Variants in LRRC4C observed in about 807,000 individuals in gnomAD.
LRRC4C encodes leucine rich repeat containing 4C, also known as leucine-rich repeat-containing protein 4C.
In LRRC4C, 5 loss-of-function variants were observed where a neutral mutation model predicts 33.6. That is an observed-to-expected ratio of 0.15 (90% CI 0.08 to 0.31). LRRC4C has a LOEUF of 0.31. Ranked by LOEUF, LRRC4C falls within the 10% of genes least tolerant of loss-of-function variation. LRRC4C has a pLI of 1.00. For synonymous variants in LRRC4C, 329 were observed against 302.0 expected (o/e 1.09, Z -0.93); for missense variants, 560 against 796.7 (o/e 0.70, Z 3.58).
intron 1 of LRRC4C, among the ~76,000 whole-genome samples, chr11:40,950,827 T>C (rs1220916655): frequency 1.3e-5 from 2 of 151,984 alleles, no homozygotes; most frequent in Non-Finnish European, 2.9e-5. Context: ...ATCATTTTGC[T>C]TTGTGTTTTT....
intron 1 of LRRC4C, among the ~76,000 whole-genome samples, chr11:41,156,561 T>C (rs1002589163): frequency 2.0e-5 from 3 of 152,090 alleles, no homozygotes; most frequent in Admixed American, 2.0e-4. Flanking sequence ...TAGGCAGTAT[T>C]GTAGGCACTG....
At chr11:41,374,014 C>A (rs1952850694) in intron 1 of LRRC4C, among the ~76,000 whole-genome samples, 1 of 152,120 alleles carries the variant, frequency 6.6e-6, no homozygotes, top group Admixed American at 6.5e-5. Context: ...TCAATACATT[C>A]TTTTGGCCAA....
At chr11:40,880,185 G>A (rs372120491) in intron 2 of LRRC4C, among the ~76,000 whole-genome samples, 1 of 151,952 alleles carries the variant, frequency 6.6e-6, no homozygotes, top group East Asian at 1.9e-4. Context: ...ACTTTGAGGC[G>A]ACTTCAGCTC....
In LRRC4C at chr11:41,052,259, C is replaced by T. The variant is rs114449119; in HGVS notation, c.-495-118536G>A. The stretch of plus-strand genomic sequence containing the variant: ...AACTCTCTGTTTGAAAGTCATTGCT[C>T]ATAATTTGGGAAGAGATACAAGTCC... On this transcript the variant is annotated intron_variant, in intron 1 of 6. Transcript: ENST00000528697. Among the ~76,000 whole-genome samples, 777 of 152,168 alleles carry T rather than the reference C, an allele frequency of 5.1e-3. 4 individuals carry two copies. The highest frequency in any genetic ancestry group is 0.017 in the African/African-American group (726 of 41,522).
At chr11:40,621,447 T>C (rs1962443698) in intron 3 of LRRC4C, among the ~76,000 whole-genome samples, 1 of 151,756 alleles carries the variant, frequency 6.6e-6, no homozygotes, top group Non-Finnish European at 1.5e-5. Context: ...TTATTCAGTG[T>C]TCACCTAAAG....
At chr11:40,147,661 G>A (rs1255986738) in intron 5 of LRRC4C, among the ~76,000 whole-genome samples, 1 of 152,040 alleles carries the variant, frequency 6.6e-6, no homozygotes, top group Non-Finnish European at 1.5e-5. Context: ...AAAAAAAGAT[G>A]AGGTAGACAT....
chr11:40,683,101 G>A (rs1944780654), intron 2 of LRRC4C, among the ~76,000 whole-genome samples: 1 of 152,198 alleles, frequency 6.6e-6, no homozygotes, highest in Admixed American at 6.5e-5. Context: ...TTCCAGCTAT[G>A]TTCTTTCTCT....
At chr11:40,193,508 C>CA (rs1381544378) in intron 5 of LRRC4C, among the ~76,000 whole-genome samples, 4 of 152,164 alleles carry the variant, frequency 2.6e-5, no homozygotes, top group African/African-American at 9.7e-5. Context: ...AAGACCAGTG[C>CA]AAAAAGGCTG....
At chr11:40,529,342 C>CT (rs1365981578) in intron 3 of LRRC4C, among the ~76,000 whole-genome samples, 6 of 151,710 alleles carry the variant, frequency 4.0e-5, no homozygotes, top group South Asian at 2.1e-4. Flanking sequence ...TTAAATAAAT[C>CT]TTTTTTTAAA....
chr11:40,967,092 C>A (rs1851415333), intron 1 of LRRC4C, among the ~76,000 whole-genome samples: 1 of 151,746 alleles, frequency 6.6e-6, no homozygotes, highest in Non-Finnish European at 1.5e-5. Flanking sequence ...ACTTTATCAC[C>A]AAATTTAGTT....
intron 1 of LRRC4C, among the ~76,000 whole-genome samples, chr11:41,321,827 A>T (rs538106010): frequency 6.6e-6 from 1 of 152,192 alleles, no homozygotes; most frequent in African/African-American, 2.4e-5. Context: ...GCCTGTGTGC[A>T]TTCCCAAGCC....
chr11:40,193,492 T>C (rs1862013046), intron 5 of LRRC4C, among the ~76,000 whole-genome samples: 1 of 152,146 alleles, frequency 6.6e-6, no homozygotes, highest in African/African-American at 2.4e-5. Flanking sequence ...TTCACAAATA[T>C]GAGGAAAGAC....
At chr11:41,378,004 C>T (rs773376758) in intron 1 of LRRC4C, among the ~76,000 whole-genome samples, 6 of 151,964 alleles carry the variant, frequency 3.9e-5, no homozygotes, top group Non-Finnish European at 8.8e-5. Context: ...ATGTTTAACT[C>T]CATGTTAGTG....
At chr11:40,830,022 C>A (rs1324879318) in intron 2 of LRRC4C, among the ~76,000 whole-genome samples, 1 of 151,898 alleles carries the variant, frequency 6.6e-6, no homozygotes, top group East Asian at 1.9e-4. Flanking sequence ...TGAGCAGGGT[C>A]TTGAGGGATG....
chr11:41,107,058 A>AT (rs3979485), intron 1 of LRRC4C, among the ~76,000 whole-genome samples: 32,136 of 140,800 alleles, frequency 0.23, 3,757 homozygotes, highest in East Asian at 0.31. Flanking sequence ...TTAGGTTTTG[A>AT]TTTTTTTTTT....
intron 1 of LRRC4C, among the ~76,000 whole-genome samples, chr11:41,301,893 T>C (rs1950299575): frequency 6.6e-6 from 1 of 152,228 alleles, no homozygotes; most frequent in Non-Finnish European, 1.5e-5. Context: ...CTTGACACTG[T>C]TGCTTTCCCA....
intron 2 of LRRC4C, among the ~76,000 whole-genome samples, chr11:40,811,714 C>T (rs1251991847): frequency 1.3e-5 from 2 of 152,118 alleles, no homozygotes; most frequent in Non-Finnish European, 2.9e-5. Context: ...CCAAGCTGGT[C>T]TCAAACTCTG....
At chr11:41,199,744 C>G (rs1467050991) in intron 1 of LRRC4C, among the ~76,000 whole-genome samples, 1 of 152,072 alleles carries the variant, frequency 6.6e-6, no homozygotes, top group East Asian at 1.9e-4. Flanking sequence ...TAGAAGACAC[C>G]AAGGGAGTCC....
At chr11:40,433,352 C>A (rs1391263028) in intron 3 of LRRC4C, among the ~76,000 whole-genome samples, 1 of 151,952 alleles carries the variant, frequency 6.6e-6, no homozygotes, top group Admixed American at 6.6e-5. Context: ...TATCATACTT[C>A]AGAAATTGAG....
Sources: allele counts gnomAD v4.1 joint callset (sites outside exome capture counted in the v4.1 genomes callset), GRCh38; gene constraint gnomAD v4.1.1; transcripts MANE v1.5; gene names NCBI Gene and HGNC (gene_info 2026-07-23, HGNC 2026-07-21).